Variants in GALNTL6 observed in about 807,000 individuals in gnomAD.
The protein encoded by GALNTL6 is polypeptide N-acetylgalactosaminyltransferase like 6.
GALNTL6 carries 46 observed loss-of-function variants against 73.7 expected under a neutral mutation model. The observed-to-expected ratio is 0.62, with a 90% confidence interval of 0.49 to 0.80. GALNTL6 has a LOEUF of 0.80. Ranked by LOEUF, GALNTL6 falls within the 30% of genes least tolerant of loss-of-function variation. GALNTL6 has a pLI of 0.00. For synonymous variants in GALNTL6, 259 were observed against 263.7 expected, an observed-to-expected ratio of 0.98 and a Z score of 0.17; for missense variants, 604 against 755.0, an observed-to-expected ratio of 0.80 and a Z score of 2.34.
At position 171,922,483 on chromosome 4, in the gene GALNTL6, A is replaced by G. The variant is rs949997092; in HGVS notation, c.138+107765A>G. 3.9e-5 allele frequency among the ~76,000 whole-genome samples: 6 copies of G among 152,250 alleles called. No individual in the cohort carries two copies. The East Asian group carries it at 1.2e-3, about 29-fold the overall frequency. ...TAATAAGAACATTATCACTAAATGT[A>G]CTGGATAAGGGATTCATGAAATAGT... On this transcript the variant is annotated intron_variant, in intron 2 of 12. Transcript: ENST00000506823.
rs552225054 is a variant in GALNTL6 at position 172,048,249 on chromosome 4, C to T, written c.139-181407C>T. The stretch of plus-strand genomic sequence containing the variant: ...TTTGCTATAATATCCCATTACTATG[C>T]TAATGTTTCAGTGCAAAAGAAGCAC... On this transcript the variant is annotated intron_variant, in intron 2 of 12. Transcript: ENST00000506823. Among the ~76,000 whole-genome samples the T allele has an allele frequency of 2.0e-3, 311 of 152,204 alleles. 1 individual carries two copies. Among genetic ancestry groups the T allele is most frequent in the South Asian group, 0.011 (52 of 4,822 alleles).
At chr4:172,871,829 G>T (rs1467214553) in intron 7 of GALNTL6, among the ~76,000 whole-genome samples, 1 of 151,724 alleles carries the variant, frequency 6.6e-6, no homozygotes, top group East Asian at 1.9e-4. Context: ...TTTCACCCAG[G>T]TTGGAGTGTG....
intron 7 of GALNTL6, among the ~76,000 whole-genome samples, chr4:172,864,522 T>C (rs897555158): frequency 1.9e-4 from 29 of 152,366 alleles, no homozygotes; most frequent in African/African-American, 6.5e-4. Context: ...ATAAGAATTT[T>C]CATGTGGGTC....
At chr4:172,577,613 A>C (rs1215084288) in intron 5 of GALNTL6, among the ~76,000 whole-genome samples, 1 of 152,016 alleles carries the variant, frequency 6.6e-6, no homozygotes, top group Non-Finnish European at 1.5e-5. Context: ...CTCTTGTGGC[A>C]GTTTCTCCCG....
At chr4:172,668,715 C>A (rs1731805777) in intron 5 of GALNTL6, 1 of 152,116 alleles carries the variant, frequency 6.6e-6, no homozygotes, top group Non-Finnish European at 1.5e-5. Flanking sequence ...GCATAGCTCC[C>A]CATTGAAAGT....
intron 2 of GALNTL6, among the ~76,000 whole-genome samples, chr4:171,851,329 C>A (rs1735517878): frequency 6.6e-6 from 1 of 152,108 alleles, no homozygotes. Flanking sequence ...AGAATATCAT[C>A]CCAGTAGAAA....
At chr4:172,030,822 A>C (rs191301463) in intron 2 of GALNTL6, among the ~76,000 whole-genome samples, 3 of 152,068 alleles carry the variant, frequency 2.0e-5, no homozygotes, top group Admixed American at 6.6e-5. Context: ...ATATATAAAC[A>C]TAAACTTTAA....
chr4:172,225,987 G>A (rs1365940179), intron 2 of GALNTL6, among the ~76,000 whole-genome samples: 1 of 152,076 alleles, frequency 6.6e-6, no homozygotes, highest in African/African-American at 2.4e-5. Context: ...AACACACCTT[G>A]CTAGAGCACT....
At chr4:172,862,354 C>T (rs928370262) in intron 7 of GALNTL6, among the ~76,000 whole-genome samples, 43 of 152,246 alleles carry the variant, frequency 2.8e-4, no homozygotes, top group African/African-American at 1.0e-3. Flanking sequence ...TTTAGGGTAT[C>T]AGGCAGAAGA....
chr4:172,917,481 A>T (rs1425245403), intron 8 of GALNTL6, among the ~76,000 whole-genome samples: 1 of 152,142 alleles, frequency 6.6e-6, no homozygotes, highest in Non-Finnish European at 1.5e-5. Flanking sequence ...ATGGGAGGAA[A>T]GTTTTGCAAT....
chr4:172,306,102 A>T (rs976671729), intron 3 of GALNTL6, among the ~76,000 whole-genome samples: 2 of 152,120 alleles, frequency 1.3e-5, no homozygotes, highest in East Asian at 3.9e-4. Flanking sequence ...AAATAAAAAT[A>T]TGTTGGCCGG....
At chr4:172,934,747 T>C (rs1257269981) in intron 9 of GALNTL6, among the ~76,000 whole-genome samples, 1 of 152,194 alleles carries the variant, frequency 6.6e-6, no homozygotes, top group South Asian at 2.1e-4. Flanking sequence ...AGCAGGGCTG[T>C]GGTGACAATC....
chr4:172,699,328 A>C (rs1866180), intron 5 of GALNTL6, among the ~76,000 whole-genome samples: 149,616 of 152,236 alleles, frequency 0.98, 73,573 homozygotes, highest in Non-Finnish European at 1. Context: ...TTTTTCATAA[A>C]TGTATGTGTG....
intron 10 of GALNTL6, among the ~76,000 whole-genome samples, chr4:172,968,613 A>G (rs918314892): frequency 1.1e-4 from 17 of 152,240 alleles, no homozygotes; most frequent in Admixed American, 4.6e-4. Flanking sequence ...AGAAGGAGGT[A>G]TCAGAGATAG....
At chr4:172,254,146 T>C (rs970165025) in intron 3 of GALNTL6, among the ~76,000 whole-genome samples, 2 of 151,828 alleles carry the variant, frequency 1.3e-5, no homozygotes, top group African/African-American at 4.8e-5. Flanking sequence ...CGGCTACTGT[T>C]AATTTACATA....
intron 10 of GALNTL6, among the ~76,000 whole-genome samples, chr4:172,985,994 A>G (rs1452474515): frequency 6.6e-6 from 1 of 152,218 alleles, no homozygotes; most frequent in African/African-American, 2.4e-5. Context: ...GGTTGTTTGG[A>G]GAATGGGCTT....
chr4:172,616,814 A>C (rs1738753358), intron 5 of GALNTL6, among the ~76,000 whole-genome samples: 2 of 152,088 alleles, frequency 1.3e-5, no homozygotes, highest in Non-Finnish European at 1.5e-5. Context: ...CAGTGGGCTG[A>C]ATCTTCATGA....
chr4:172,571,201 A>C (rs1233981233), intron 5 of GALNTL6, among the ~76,000 whole-genome samples: 1 of 152,244 alleles, frequency 6.6e-6, no homozygotes, highest in Non-Finnish European at 1.5e-5. Flanking sequence ...CAATAATAGA[A>C]CAAGAATAGG....
Position 172,861,426 on chromosome 4 carries a change from G to A in GALNTL6, c.924-21364G>A, listed in dbSNP as rs147968576. Among the ~76,000 whole-genome samples, 4 of 151,504 alleles carry A rather than the reference G, an allele frequency of 2.6e-5. No individual in the cohort carries two copies. The East Asian group carries it at 7.8e-4, about 29-fold the overall frequency. On this transcript the variant is annotated intron_variant, in intron 7 of 12. Coordinates refer to ENST00000506823, the MANE Select transcript of GALNTL6 (RefSeq NM_001034845.3). Reference sequence around the variant, plus strand: ...AACTTTCACTTCCTTGATTAATCCAGGTATAGATCATAAGGACTTGAATAA... The same window carrying A: ...AACTTTCACTTCCTTGATTAATCCAAGTATAGATCATAAGGACTTGAATAA...
Sources: gnomAD v4.1 joint callset for allele counts (sites outside exome capture counted in the v4.1 genomes callset) on GRCh38, gnomAD v4.1.1 for gene constraint, MANE v1.5 for transcripts, NCBI Gene and HGNC (gene_info 2026-07-23, HGNC 2026-07-21) for gene names.